ARRDC4: variants seen among roughly 807,000 people sequenced by gnomAD.
ARRDC4 encodes arrestin domain containing 4.
Under a neutral mutation model 44.6 loss-of-function variants are expected in ARRDC4, and 40 were observed. The observed-to-expected ratio is 0.90, with a 90% CI of 0.70 to 1.17. The LOEUF is 1.17. Ranked by LOEUF, ARRDC4 falls within the 50% of genes most tolerant of loss-of-function variation. ARRDC4 has a pLI of 0.00. For missense variants in ARRDC4, 550 were observed against 559.1 expected, an observed-to-expected ratio of 0.98 and a Z score of 0.16; for synonymous variants, 211 against 221.2, an observed-to-expected ratio of 0.95 and a Z score of 0.41.
At position 97,965,710 on chromosome 15, in the gene ARRDC4, A is replaced by T; in HGVS notation, c.374+44A>T. ...TTTTGTGGTTATCCTTCTCTGCAGT[A>T]TGTCCATTCAAGTTTATCACTGCTA... is the stretch of plus-strand genomic sequence containing the variant. On this transcript the variant is annotated intron_variant, in intron 2 of 7. Transcript: ENST00000268042. This position sits in a 1 kb window ranked among gnomAD's most constrained non-coding sequence, Gnocchi z 5.1. 6.4e-7 allele frequency: 1 copy of T among 1,565,446 alleles called. No homozygotes were observed.
chr15:97,963,374 C>A (rs1215475792), intron 1 of ARRDC4, among the ~76,000 whole-genome samples: 4 of 152,114 alleles, frequency 2.6e-5, no homozygotes, highest in African/African-American at 9.7e-5. Flanking sequence ...TATTATAACC[C>A]ATTTTTATCA....
At chr15:97,964,125 T>C (rs558503831) in intron 1 of ARRDC4, among the ~76,000 whole-genome samples, 35 of 152,284 alleles carry the variant, frequency 2.3e-4, no homozygotes, top group African/African-American at 7.9e-4. Context: ...ACATTAAAAA[T>C]TGGGGATAGA....
intron 4 of ARRDC4, 60 bp from the exon 5 acceptor site, chr15:97,969,063 A>AT: frequency 6.4e-7 from 1 of 1,564,106 alleles, no homozygotes; most frequent in East Asian, 2.3e-5. Flanking sequence ...GCCCTAATCC[A>AT]TTGTGGTGAG....
At position 97,970,092 on chromosome 15, in the gene ARRDC4, T is replaced by C. The variant is rs1899484270; in HGVS notation, c.1045+47T>C. On this transcript the variant is annotated intron_variant, in intron 6 of 7. Coordinates refer to ENST00000268042, the MANE Select transcript of ARRDC4 (RefSeq NM_183376.3). This position sits in a 1 kb window ranked among gnomAD's most constrained non-coding sequence, Gnocchi z 4.2. Reference sequence around the variant, plus strand: ...TCATAACGAAGCTTTACCTAGAAAATACCTAGGAACAGAATATATACACTA... The same window carrying C: ...TCATAACGAAGCTTTACCTAGAAAACACCTAGGAACAGAATATATACACTA... 1 of 1,572,214 alleles carries C rather than the reference T, an allele frequency of 6.4e-7. No individual in the cohort carries two copies. Among genetic ancestry groups the C allele is most frequent in the Non-Finnish European group, 8.7e-7 (1 of 1,150,342 alleles).
chr15:97,970,016 T>A lies in ARRDC4; in HGVS notation c.1016T>A (p.Leu339Ter). The part of the protein sequence containing the change: ...ASQFSMDMSW[L>*]TLTLPEQPEA... ...CAGTTCAGTATGGATATGAGCTGGT[T>A]GACACTGACCCTGCCAGAGCAGCCT... The change falls in exon 6 of 8, where the codon TTG (leucine) becomes TAG (stop). Residue 339 changes from leucine to a stop codon, truncating the protein, a stop_gained. Transcript: ENST00000268042. LOFTEE classifies it high-confidence loss of function. This position sits in a 1 kb window ranked among gnomAD's most constrained non-coding sequence, Gnocchi z 4.2. 4 of 1,612,934 alleles carry A rather than the reference T, an allele frequency of 2.5e-6. No individual in the cohort carries two copies. Among genetic ancestry groups the A allele is most frequent in the Non-Finnish European group, 3.4e-6 (4 of 1,179,238 alleles).
chr15:97,964,311 G>A (rs993666228), intron 1 of ARRDC4, among the ~76,000 whole-genome samples: 1 of 151,694 alleles, frequency 6.6e-6, no homozygotes, highest in African/African-American at 2.4e-5. Context: ...AATGGATAAA[G>A]TAGAAATCTT....
intron 7 of ARRDC4, 35 bp from the exon 8 acceptor site, chr15:97,971,096 T>A (rs373181086): frequency 6.2e-7 from 1 of 1,607,026 alleles, no homozygotes; most frequent in Non-Finnish European, 8.5e-7. Flanking sequence ...TAAATAATGC[T>A]ACAACACTAA....
Position 97,967,431 on chromosome 15 carries a change from A to T in ARRDC4, c.523-583A>T, listed in dbSNP as rs1899436348. Among the ~76,000 whole-genome samples, 1 of 152,056 alleles carries T rather than the reference A, an allele frequency of 6.6e-6. No individual in the cohort carries two copies. Among genetic ancestry groups the T allele is most frequent in the Non-Finnish European group, 1.5e-5 (1 of 68,038 alleles). ...ATACTGCAGTGAGAGGGTATGTTTAATAAGCTTTTCAGATCGGTTAACACT... is the reference window on the plus strand; with the variant it reads ...ATACTGCAGTGAGAGGGTATGTTTATTAAGCTTTTCAGATCGGTTAACACT... On this transcript the variant is annotated intron_variant, in intron 3 of 7. Coordinates refer to ENST00000268042, the MANE Select transcript of ARRDC4 (RefSeq NM_183376.3). The surrounding 1 kb of genome is among the most constrained non-coding windows in gnomAD (Gnocchi z 5.0).
At chr15:97,961,496 G>A (rs1899320062) in intron 1 of ARRDC4, among the ~76,000 whole-genome samples, 1 of 152,200 alleles carries the variant, frequency 6.6e-6, no homozygotes, top group Admixed American at 6.5e-5. Flanking sequence ...TGTTCCTTCT[G>A]GTCCAAGAAA....
In ARRDC4 at chr15:97,965,229, G is replaced by A. The variant is rs570575835; in HGVS notation, c.308-371G>A. Among the ~76,000 whole-genome samples the A allele has an allele frequency of 1.3e-5, 2 of 152,204 alleles. No homozygotes were observed. Among genetic ancestry groups the A allele is most frequent in the Non-Finnish European group, 2.9e-5 (2 of 68,018 alleles). On this transcript the variant is annotated intron_variant, in intron 1 of 7. Transcript: ENST00000268042. This position sits in a 1 kb window ranked among gnomAD's most constrained non-coding sequence, Gnocchi z 5.1. Reference sequence around the variant, plus strand: ...GAGAATCGTTTGAGGCCAGGAGTTCGAGACCAGCTTGGGCAATATAGCAAG... The same window carrying A: ...GAGAATCGTTTGAGGCCAGGAGTTCAAGACCAGCTTGGGCAATATAGCAAG...
rs1899448223 is a variant in ARRDC4, at chr15:97,968,034, A to G, written c.543A>G (p.Gln181=). The change falls in exon 4 of 8, where the codon CAA becomes CAG. Residue 181 remains glutamine, a synonymous_variant. Transcript: ENST00000268042. This position sits in a 1 kb window ranked among gnomAD's most constrained non-coding sequence, Gnocchi z 5.4. The part of the protein sequence containing the change: ...PALLTPVLKT[Q]EKMVGCWFFT... ...TCAAGACCCCTGTATTGAAAACTCAAGAGAAAATGGTTGGCTGTTGGTTTT... is the reference window on the plus strand; with the variant it reads ...TCAAGACCCCTGTATTGAAAACTCAGGAGAAAATGGTTGGCTGTTGGTTTT... 6.3e-7 allele frequency: 1 copy of G among 1,595,492 alleles called. No homozygotes were observed.
chr15:97,961,166 C>T lies in ARRDC4; in HGVS notation c.305C>T (p.Ala102Val). The T allele has an allele frequency of 7.0e-7, 1 of 1,428,730 alleles. No individual in the cohort carries two copies. Among genetic ancestry groups the T allele is most frequent in the South Asian group, 1.4e-5 (1 of 70,676 alleles). The allele number at this position is 1,428,730 out of a possible 1,614,324, so 88.5% of individuals were successfully genotyped here. A position where few individuals can be genotyped will look rare whatever the true frequency, so the allele number is the denominator to read the frequency against. Residue 102 changes from alanine to valine, a missense_variant and splice_region_variant, in exon 1 of 8, where the codon GCC becomes GTC. Transcript: ENST00000268042. The stretch of plus-strand genomic sequence containing the variant: ...CGCCTCAGCCTGCGGGAGCCCCCGG[C>T]CGGTAAGCGCAGGCGAGCGCCTGGG... ...NVRLSLREPPAGEGIILLQPG... is the reference protein window; with the variant it reads ...NVRLSLREPPVGEGIILLQPG...
At chr15:97,964,129 G>A (rs1428254651) in intron 1 of ARRDC4, among the ~76,000 whole-genome samples, 1 of 152,084 alleles carries the variant, frequency 6.6e-6, no homozygotes, top group Non-Finnish European at 1.5e-5. Context: ...TAAAAATTGG[G>A]GATAGATTCA....
chr15:97,965,006 A>G lies in ARRDC4; in HGVS notation c.308-594A>G, dbSNP rs1899391729. ...AGTTGTGATTTTTACATACACACAC[A>G]CACACACACACATATACATATCCAT... On this transcript the variant is annotated intron_variant, in intron 1 of 7. Coordinates refer to ENST00000268042, the MANE Select transcript of ARRDC4 (RefSeq NM_183376.3). This position sits in a 1 kb window ranked among gnomAD's most constrained non-coding sequence, Gnocchi z 5.1. Among the ~76,000 whole-genome samples the G allele has an allele frequency of 6.6e-6, 1 of 152,100 alleles. No individual in the cohort carries two copies.
chr15:97,969,624 A>G (rs1899473928), intron 5 of ARRDC4, among the ~76,000 whole-genome samples: 1 of 152,148 alleles, frequency 6.6e-6, no homozygotes, highest in Non-Finnish European at 1.5e-5. Context: ...ACATAGCCTT[A>G]ATTTTCTATA....
rs1899469886 is a variant in ARRDC4 at position 97,969,371 on chromosome 15, TC to T, written c.876del (p.Leu293Ter). 9 of 1,607,130 alleles carry T rather than the reference TC, an allele frequency of 5.6e-6. No homozygotes were observed. In the East Asian group the frequency reaches 2.0e-4, roughly 36 times the overall value. ...TTGCTGCATTATCAGAGTGGACTATTCCTTAGCTGTAAGCAAAGCTCTTTTT... is the reference window on the plus strand; with the variant it reads ...TTGCTGCATTATCAGAGTGGACTATTCTTAGCTGTAAGCAAAGCTCTTTTT... The part of the protein sequence containing the change: ...LDCCIIRVDY[S>X]LAVYIHIPGA... On this transcript the variant is annotated frameshift_variant, in exon 5 of 8. Transcript: ENST00000268042. LOFTEE classifies it high-confidence loss of function.
intron 1 of ARRDC4, among the ~76,000 whole-genome samples, chr15:97,963,859 G>A (rs930650424): frequency 6.6e-6 from 1 of 152,164 alleles, no homozygotes; most frequent in Non-Finnish European, 1.5e-5. Context: ...CTTTAGCCCA[G>A]CTCTTTTAGG....
chr15:97,960,952 T>C lies in ARRDC4; in HGVS notation c.91T>C (p.Cys31Arg). 6.8e-7 allele frequency: 1 copy of C among 1,470,156 alleles called. No individual in the cohort carries two copies. Among genetic ancestry groups the C allele is most frequent in the East Asian group, 3.0e-5 (1 of 33,094 alleles). The allele number at this position is 1,470,156 out of a possible 1,614,324, so 91.1% of individuals were successfully genotyped here. Residue 31 changes from cysteine to arginine, a missense_variant, in exon 1 of 8, where the codon TGC becomes CGC. Transcript: ENST00000268042. The stretch of plus-strand genomic sequence containing the variant: ...GGTGTTCGAGGACGAGCGCAAGGGC[T>C]GCTATTCCAGCGGCGAGACAGTGGC... ...GLVFEDERKG[C>R]YSSGETVAGH...
At position 97,961,016 on chromosome 15, in the gene ARRDC4, T is replaced by G; in HGVS notation, c.155T>G (p.Leu52Arg). The part of the protein sequence containing the change: ...VLLEASEPVA[L>R]RALRLEAQGR... ...CTGGAGGCGTCCGAGCCGGTGGCCC[T>G]GCGCGCGCTGCGCCTGGAGGCCCAG... The change falls in exon 1 of 8, where the codon CTG (leucine) becomes CGG (arginine). Residue 52 changes from leucine (L) to arginine (R), a missense_variant. Physicochemically the swap from Leu to Arg is moderately radical, Grantham distance 102 (BLOSUM62 -2). Transcript: ENST00000268042. 1 of 1,438,396 alleles carries G rather than the reference T, an allele frequency of 7.0e-7. No homozygotes were observed. The highest frequency in any genetic ancestry group is 9.1e-7 in the Non-Finnish European group (1 of 1,095,580). The allele number at this position is 1,438,396 out of a possible 1,614,324, so 89.1% of individuals were successfully genotyped here.
Sources: allele counts gnomAD v4.1 joint callset (sites outside exome capture counted in the v4.1 genomes callset), GRCh38; gene constraint gnomAD v4.1.1; non-coding constraint Gnocchi (gnomAD v3.1); transcripts MANE v1.5; gene names NCBI Gene and HGNC (gene_info 2026-07-23, HGNC 2026-07-21).